The following PFKM variants were observed in gnomAD, a reference collection of about 807,000 sequenced individuals.
PFKM encodes phosphofructokinase, muscle.
PFKM carries 58 observed loss-of-function variants against 95.5 expected under a neutral mutation model. The observed-to-expected ratio is 0.61, with a 90% CI of 0.49 to 0.76. The LOEUF (loss-of-function observed/expected upper bound fraction) is 0.76, where lower values mean the gene tolerates loss of function less well. PFKM is among the 30% of genes least tolerant of loss of function. The pLI, the probability that PFKM is intolerant of heterozygous loss-of-function variation, is 0.00. For synonymous variants in PFKM, 336 were observed against 357.2 expected (o/e 0.94, Z 0.67); for missense variants, 678 against 1,005.4 (o/e 0.67, Z 4.40).
At chr12:48,125,001 A>G (rs1263510669) in intron 2 of PFKM, among the ~76,000 whole-genome samples, 1 of 152,174 alleles carries the variant, frequency 6.6e-6, no homozygotes, top group African/African-American at 2.4e-5. Flanking sequence ...GAGCTGTGTA[A>G]AATCCATAGA....
At chr12:48,133,963 C>A (rs1186053676) in intron 6 of PFKM, among the ~76,000 whole-genome samples, 1 of 152,144 alleles carries the variant, frequency 6.6e-6, no homozygotes, top group African/African-American at 2.4e-5. Flanking sequence ...CACTTCTTAT[C>A]CTTTCCTTTC....
chr12:48,122,368 T>C (rs1459724230), intron 1 of PFKM, among the ~76,000 whole-genome samples: 1 of 152,202 alleles, frequency 6.6e-6, no homozygotes, highest in Non-Finnish European at 1.5e-5. Flanking sequence ...CTCATCTGAT[T>C]CCAGCCCTCT....
intron 18 of PFKM, 126 bp downstream of exon 18, chr12:48,143,072 C>T (rs1950715141): frequency 1.1e-6 from 1 of 877,658 alleles, no homozygotes; most frequent in Non-Finnish European, 1.9e-6. Flanking sequence ...CTGTGAAGAC[C>T]AGAAAGAGCA....
intron 12 of PFKM, 33 bp from the exon 13 acceptor site, chr12:48,139,816 G>A (rs746414952): frequency 2.7e-6 from 4 of 1,466,854 alleles, no homozygotes; most frequent in South Asian, 1.1e-5. Context: ...GGAATGGCCT[G>A]AAGACACCTC....
chr12:48,122,931 T>C lies in PFKM; in HGVS notation c.85+72T>C, dbSNP rs958713606. ...TTACTGACTCCCTTAGCCTATACAA[T>C]AGAATTATTCTTCTGTAGGTTCACG... On this transcript the variant is annotated intron_variant, in intron 2 of 22. Coordinates refer to ENST00000359794, the MANE Select transcript of PFKM (RefSeq NM_000289.6). 5 of 1,421,670 alleles carry C rather than the reference T, an allele frequency of 3.5e-6. No homozygotes were observed. In the East Asian group the frequency reaches 9.1e-5, roughly 26 times the overall value. The allele number at this position is 1,421,670 out of a possible 1,614,324, so 88.1% of individuals were successfully genotyped here.
chr12:48,134,142 C>T, intron 6 of PFKM, 90 bp from the exon 7 acceptor site: 6 of 1,047,442 alleles, frequency 5.7e-6, no homozygotes, highest in South Asian at 1.3e-5. Context: ...ACATGTATCT[C>T]CCAGAGAGGG....
chr12:48,123,468 C>T (rs1948501055), intron 2 of PFKM, among the ~76,000 whole-genome samples: 1 of 151,998 alleles, frequency 6.6e-6, no homozygotes, highest in South Asian at 2.1e-4. Context: ...ATTTAAGAAA[C>T]CTGGGAGTCA....
chr12:48,146,049 CT>C lies in PFKM; in HGVS notation c.*345del. On this transcript the variant is annotated 3_prime_UTR_variant, in exon 23 of 23. Coordinates refer to ENST00000359794, the MANE Select transcript of PFKM (RefSeq NM_000289.6). ...ACAAAGAGTCTTGGTTCCTCTACTACTTTTACTACAGTGACAAATTGTAACT... is the reference window on the plus strand; with the variant it reads ...ACAAAGAGTCTTGGTTCCTCTACTACTTTACTACAGTGACAAATTGTAACT... 3.3e-6 allele frequency: 1 copy of C among 306,856 alleles called. No individual in the cohort carries two copies. 19.0% of individuals were successfully genotyped at this position (306,856 alleles called of 1,614,324 possible). A position where few individuals can be genotyped will look rare whatever the true frequency, so the allele number is the denominator to read the frequency against.
intron 2 of PFKM, among the ~76,000 whole-genome samples, 189 bp from the exon 3 acceptor site, chr12:48,130,173 AG>A (rs1481073150): frequency 6.6e-6 from 1 of 152,242 alleles, no homozygotes; most frequent in Admixed American, 6.5e-5. Context: ...CTGAAGCTCC[AG>A]TAACATTGAC....
upstream of PFKM, chr12:48,118,624 C>T (rs1298713485): frequency 9.7e-7 from 1 of 1,027,946 alleles, no homozygotes; most frequent in South Asian, 1.3e-5. Context: ...GAGCATCTGA[C>T]CCTTTTTCCA....
intron 11 of PFKM, among the ~76,000 whole-genome samples, chr12:48,138,699 G>A (rs117310159): frequency 0.017 from 2,573 of 152,288 alleles, 40 homozygotes; most frequent in Non-Finnish European, 0.024. Context: ...GGGGACCTGG[G>A]TGTGGAATGG....
chr12:48,134,606 A>G (rs1449223670), intron 7 of PFKM, 115 bp from the exon 8 acceptor site: 3 of 838,152 alleles, frequency 3.6e-6, no homozygotes, highest in East Asian at 2.6e-5. Context: ...CACGAATAAA[A>G]TGGAGGCTCT....
chr12:48,108,268 T>C, intron 3 of PFKM: 1 of 1,422,140 alleles, frequency 7.0e-7, no homozygotes, highest in African/African-American at 1.4e-5. Flanking sequence ...CATAGTATTA[T>C]AAATCAGCGT....
intron 4 of PFKM, 53 bp from the exon 5 acceptor site, chr12:48,132,815 T>C (rs1225761057): frequency 1.4e-6 from 2 of 1,457,994 alleles, no homozygotes; most frequent in Non-Finnish European, 1.9e-6. Context: ...ATAGGGGATA[T>C]CTCAGCATGT....
Position 48,142,444 on chromosome 12 carries a change from G to T in PFKM, c.1654-338G>T. The T allele has an allele frequency of 1.4e-5, 6 of 433,962 alleles. 1 individual carries two copies. Among genetic ancestry groups the T allele is most frequent in the South Asian group, 1.3e-4 (6 of 46,798 alleles). 26.9% of individuals were successfully genotyped at this position (433,962 alleles called of 1,614,324 possible). On this transcript the variant is annotated intron_variant, in intron 17 of 22. Transcript: ENST00000359794. ...GCAGAGATCGTGCCACTTTACTCCA[G>T]CCTGGGTGACAAAGTGTTCAGTTTC...
intron 3 of PFKM, chr12:48,108,336 CAGAG>C (rs143876912): frequency 1.0e-5 from 6 of 601,696 alleles, no homozygotes; most frequent in Middle Eastern, 2.9e-4. Context: ...GTGTGTGAAA[CAGAG>C]AGAGAGAGAA....
At chr12:48,115,598 A>G (rs1947599485), upstream of PFKM, among the ~76,000 whole-genome samples, 1 of 152,082 alleles carries the variant, frequency 6.6e-6, no homozygotes, top group African/African-American at 2.4e-5. Flanking sequence ...GTAGATCTTC[A>G]GTTGCTTCAG....
chr12:48,112,899 G>T (rs1482579917), intron 3 of PFKM, among the ~76,000 whole-genome samples: 1 of 152,098 alleles, frequency 6.6e-6, no homozygotes, highest in East Asian at 1.9e-4. Flanking sequence ...GTGGGGTAAA[G>T]GTGATTAGGT....
chr12:48,135,849 C>A (rs2135931540), intron 10 of PFKM, among the ~76,000 whole-genome samples: 1 of 152,118 alleles, frequency 6.6e-6, no homozygotes, highest in South Asian at 2.1e-4. Context: ...CCTTTTATAG[C>A]CACGTGTACT....
Sources: gnomAD v4.1 joint callset for allele counts (sites outside exome capture counted in the v4.1 genomes callset) on GRCh38, gnomAD v4.1.1 for gene constraint, MANE v1.5 for transcripts, NCBI Gene and HGNC (gene_info 2026-07-23, HGNC 2026-07-21) for gene names.